The following LRRTM4 variants were observed in gnomAD, a reference collection of about 807,000 sequenced individuals.
The protein encoded by LRRTM4 is leucine-rich repeat transmembrane neuronal protein 4.
In LRRTM4, 25 loss-of-function variants were observed where a neutral mutation model predicts 47.6. The ratio of observed to expected loss-of-function variants is 0.53; its 90% CI spans 0.38 to 0.73. The LOEUF (loss-of-function observed/expected upper bound fraction) is 0.73. LRRTM4 is among the 30% of genes least tolerant of loss of function. The probability of loss-of-function intolerance (pLI) is 0.00; values close to 1 mark genes in which losing one functional copy is unlikely to be tolerated. For missense variants in LRRTM4, 638 were observed against 713.4 expected, an observed-to-expected ratio of 0.89 and a Z score of 1.20; for synonymous variants, 311 against 269.5, an observed-to-expected ratio of 1.15 and a Z score of -1.51.
At chr2:76,810,756 T>C (rs1670707795) in intron 3 of LRRTM4, among the ~76,000 whole-genome samples, 1 of 152,176 alleles carries the variant, frequency 6.6e-6, no homozygotes, top group African/African-American at 2.4e-5. Flanking sequence ...TATTGGCCCC[T>C]TAATGAAAAG....
intron 3 of LRRTM4, among the ~76,000 whole-genome samples, chr2:76,985,297 G>A (rs1310082085): frequency 6.6e-6 from 1 of 152,160 alleles, no homozygotes; most frequent in Non-Finnish European, 1.5e-5. Flanking sequence ...GAATTAAATG[G>A]TGGGGGATAA....
intron 3 of LRRTM4, among the ~76,000 whole-genome samples, chr2:77,246,910 A>G (rs1164692822): frequency 6.6e-6 from 1 of 152,100 alleles, no homozygotes; most frequent in African/African-American, 2.4e-5. Flanking sequence ...CAAGCAAAAT[A>G]TAAAACTTCT....
intron 3 of LRRTM4, among the ~76,000 whole-genome samples, chr2:77,396,204 T>G (rs781230157): frequency 6.6e-6 from 1 of 151,908 alleles, no homozygotes; most frequent in East Asian, 1.9e-4. Context: ...ACAACCCCCT[T>G]AATCATGTAT....
At chr2:76,896,533 T>C (rs754911637) in intron 3 of LRRTM4, among the ~76,000 whole-genome samples, 2 of 151,974 alleles carry the variant, frequency 1.3e-5, no homozygotes, top group African/African-American at 2.4e-5. Context: ...ATTGCAAAGA[T>C]TCCAAAAATT....
At chr2:77,028,531 G>T (rs908445304) in intron 3 of LRRTM4, among the ~76,000 whole-genome samples, 1 of 151,992 alleles carries the variant, frequency 6.6e-6, no homozygotes, top group Non-Finnish European at 1.5e-5. Context: ...ATTGGAAGAG[G>T]ATAGAAGGAA....
intron 3 of LRRTM4, among the ~76,000 whole-genome samples, chr2:77,503,824 G>A (rs777284410): frequency 5.3e-5 from 8 of 151,484 alleles, no homozygotes; most frequent in Non-Finnish European, 8.9e-5. Context: ...AAAAAAGGCC[G>A]ACTGTTAACA....
intron 3 of LRRTM4, among the ~76,000 whole-genome samples, chr2:77,415,013 C>A (rs1219095009): frequency 6.6e-6 from 1 of 152,060 alleles, no homozygotes; most frequent in Non-Finnish European, 1.5e-5. Flanking sequence ...TCCAAAATAG[C>A]CTTTTGAAAG....
chr2:77,060,034 G>A (rs1185760349), intron 3 of LRRTM4, among the ~76,000 whole-genome samples: 1 of 152,162 alleles, frequency 6.6e-6, no homozygotes, highest in Non-Finnish European at 1.5e-5. Context: ...TGGCTTGCAG[G>A]CCAGTCTGGC....
intron 3 of LRRTM4, among the ~76,000 whole-genome samples, chr2:76,789,997 A>T (rs13398294): frequency 0.015 from 2,346 of 152,268 alleles, 70 homozygotes; most frequent in African/African-American, 0.054. Context: ...GTGTGTCGTT[A>T]CAGGACAGTT....
intron 3 of LRRTM4, among the ~76,000 whole-genome samples, chr2:77,001,152 G>A (rs968305408): frequency 2.6e-5 from 4 of 152,110 alleles, no homozygotes; most frequent in African/African-American, 9.7e-5. Flanking sequence ...GACTTTTAGG[G>A]CTGTAGTAGC....
intron 3 of LRRTM4, among the ~76,000 whole-genome samples, chr2:76,906,244 C>T (rs1435637999): frequency 6.6e-6 from 1 of 151,974 alleles, no homozygotes; most frequent in African/African-American, 2.4e-5. Flanking sequence ...TCCAGCCAAA[C>T]TAAGCTTCAT....
At chr2:77,471,396 C>A (rs943205810) in intron 3 of LRRTM4, among the ~76,000 whole-genome samples, 1 of 152,072 alleles carries the variant, frequency 6.6e-6, no homozygotes, top group Admixed American at 6.6e-5. Flanking sequence ...ATAACAATAG[C>A]CTCCTAAATG....
intron 3 of LRRTM4, among the ~76,000 whole-genome samples, chr2:76,894,190 T>C (rs181223485): frequency 1.3e-5 from 2 of 152,136 alleles, no homozygotes; most frequent in South Asian, 2.1e-4. Context: ...TCTTTTAAAA[T>C]GCAGTAGTTT....
rs184745745 is a variant in LRRTM4 at position 77,520,255 on chromosome 2, C to A, written c.5-391G>T. On this transcript the variant is annotated intron_variant, in intron 2 of 3. Transcript: ENST00000409884. ...AGTGTACTATGTGCTCTGGTAAGGG[C>A]AAAAATGTGACTTAGTAAACCTGGT... 4.4e-3 allele frequency among the ~76,000 whole-genome samples: 665 copies of A among 152,084 alleles called. 9 individuals are homozygous for A. The highest frequency in any genetic ancestry group is 0.015 in the African/African-American group (612 of 41,522).
intron 3 of LRRTM4, among the ~76,000 whole-genome samples, chr2:77,476,672 T>C (rs75715608): frequency 0.044 from 6,677 of 152,206 alleles, 331 homozygotes; most frequent in Admixed American, 0.16. Flanking sequence ...ACATATTTCA[T>C]GACGTAGAAC....
intron 3 of LRRTM4, among the ~76,000 whole-genome samples, chr2:76,883,332 A>G (rs1034903859): frequency 6.6e-6 from 1 of 152,200 alleles, no homozygotes; most frequent in African/African-American, 2.4e-5. Flanking sequence ...ATGTAACAAT[A>G]TGCTTAACAC....
chr2:76,747,692 G>A lies in LRRTM4; in HGVS notation c.*1003C>T, dbSNP rs1672694131. On this transcript the variant is annotated 3_prime_UTR_variant, in exon 4 of 4. Transcript: ENST00000409884. ...CAGATAAAGCACTCAGCATTAGGTGGGCTGTGGTATACCAACCACAAAATA... is the reference window on the plus strand; with the variant it reads ...CAGATAAAGCACTCAGCATTAGGTGAGCTGTGGTATACCAACCACAAAATA... 6.6e-6 allele frequency: 1 copy of A among 152,014 alleles called. No homozygotes were observed. The highest frequency in any genetic ancestry group is 2.4e-5 in the African/African-American group (1 of 41,354). The allele number at this position is 152,014 out of a possible 1,614,324, so 9.4% of individuals were successfully genotyped here. A position where few individuals can be genotyped will look rare whatever the true frequency, so the allele number is the denominator to read the frequency against.
intron 3 of LRRTM4, among the ~76,000 whole-genome samples, chr2:76,989,647 C>T (rs1034422609): frequency 2.0e-5 from 3 of 150,234 alleles, no homozygotes; most frequent in African/African-American, 7.4e-5. Flanking sequence ...TCTCAGTATC[C>T]TGAGCTAGAA....
chr2:76,767,777 G>A (rs1257114534), intron 3 of LRRTM4, among the ~76,000 whole-genome samples: 1 of 151,616 alleles, frequency 6.6e-6, no homozygotes, highest in South Asian at 2.1e-4. Context: ...ATTTTTACAT[G>A]CCTCTTCACA....
Sources: allele counts gnomAD v4.1 joint callset (sites outside exome capture counted in the v4.1 genomes callset), GRCh38; gene constraint gnomAD v4.1.1; transcripts MANE v1.5; gene names NCBI Gene and HGNC (gene_info 2026-07-23, HGNC 2026-07-21).